The following CRLF2 variants were observed in gnomAD, a reference collection of about 807,000 sequenced individuals.
CRLF2 encodes cytokine receptor-like factor 2.
In CRLF2, 41 loss-of-function variants were observed where a neutral mutation model predicts 38.7. That is an observed-to-expected ratio of 1.06 (90% confidence interval 0.83 to 1.37). The LOEUF (loss-of-function observed/expected upper bound fraction) is 1.37. Among genes scored for constraint, CRLF2 ranks in the 40% most tolerant of loss-of-function variants. The probability of loss-of-function intolerance (pLI) is 0.00; values close to 1 mark genes in which losing one functional copy is unlikely to be tolerated. For synonymous variants in CRLF2, 140 were observed against 128.8 expected (o/e 1.09, Z -0.59); for missense variants, 377 against 322.2 (o/e 1.17, Z -1.30).
intron 4 of CRLF2, among the ~76,000 whole-genome samples, chrX:1,202,047 GAGAT>G (rs1422651584): frequency 7.2e-5 from 11 of 152,030 alleles, no homozygotes; most frequent in South Asian, 4.2e-4. Context: ...AAAATAGAAT[GAGAT>G]AGATAGATGA....
Position 1,198,614 on chromosome X carries a change from T to C in CRLF2, c.594A>G (p.Thr198=). ...KAMEDVYGPD[T]YPSDWSEVTC... ...TCACCTCTGACCAGTCGCTTGGGTA[T>C]GTGTCTGGCCCATATACATCCTCCA... Residue 198 remains threonine, a synonymous_variant, in exon 5 of 8, where the codon ACA becomes ACG. Transcript: ENST00000400841. 1.2e-6 allele frequency: 2 copies of C among 1,613,714 alleles called. No individual in the cohort carries two copies. Among genetic ancestry groups the C allele is most frequent in the Non-Finnish European group, 1.7e-6 (2 of 1,179,708 alleles).
chrX:1,202,651 C>T, intron 3 of CRLF2, 116 bp from the exon 4 acceptor site: 2 of 1,183,512 alleles, frequency 1.7e-6, no homozygotes, highest in East Asian at 2.3e-5. Flanking sequence ...CTTATGGTGT[C>T]TCGGGGTTCA....
intron 3 of CRLF2, among the ~76,000 whole-genome samples, chrX:1,204,419 A>C (rs1476605204): frequency 1.3e-5 from 2 of 150,850 alleles, no homozygotes; most frequent in South Asian, 4.2e-4. Context: ...ATAGAGATGG[A>C]GTTTCTCCAT....
intron 3 of CRLF2, among the ~76,000 whole-genome samples, chrX:1,205,715 C>A (rs2086679364): frequency 6.6e-6 from 1 of 151,778 alleles, no homozygotes; most frequent in South Asian, 2.1e-4. Flanking sequence ...TCTGATCCTG[C>A]GACTTGCTAG....
rs1297880930 is a variant in CRLF2 at position 1,196,995 on chromosome X, C to T, written c.647-95G>A. On this transcript the variant is annotated intron_variant, in intron 5 of 7. Coordinates refer to ENST00000400841, the MANE Select transcript of CRLF2 (RefSeq NM_022148.4). ...TTACATCTCATCCCTAACCAGTCTCCCTCATTTTTTGGTGTTCGTTTTTTT... is the reference window on the plus strand; with the variant it reads ...TTACATCTCATCCCTAACCAGTCTCTCTCATTTTTTGGTGTTCGTTTTTTT... The T allele has an allele frequency of 2.3e-5, 24 of 1,031,816 alleles. 1 individual carries two copies. The highest frequency in any genetic ancestry group is 3.0e-5 in the Non-Finnish European group (23 of 755,436). 63.9% of individuals were successfully genotyped at this position (1,031,816 alleles called of 1,614,324 possible). A position where few individuals can be genotyped will look rare whatever the true frequency, so the allele number is the denominator to read the frequency against.
intron 2 of CRLF2, among the ~76,000 whole-genome samples, chrX:1,207,504 C>G (rs1238689659): frequency 3.3e-4 from 9 of 27,214 alleles, no homozygotes; most frequent in Admixed American, 1.6e-3. Context: ...GTGATCCACC[C>G]CCCCCCCCCT....
intron 4 of CRLF2, among the ~76,000 whole-genome samples, chrX:1,200,057 ATAAGGTGTGTATATATGTGTAT>A (rs2086573577): frequency 1.6e-5 from 2 of 122,824 alleles, no homozygotes; most frequent in South Asian, 6.5e-4. Context: ...ATGTGTGTAT[ATAAGGTGTGTATATATGTGTAT>A]ATGTATTGTA....
intron 2 of CRLF2, among the ~76,000 whole-genome samples, chrX:1,207,411 G>T (rs1477671808): frequency 1.3e-5 from 2 of 149,670 alleles, no homozygotes; most frequent in Admixed American, 1.3e-4. Context: ...GCACGCCCCC[G>T]CGCCCGGCTA....
At chrX:1,211,066 T>C (rs1446714524) in intron 1 of CRLF2, among the ~76,000 whole-genome samples, 2 of 148,948 alleles carry the variant, frequency 1.3e-5, no homozygotes, top group African/African-American at 5.0e-5. Flanking sequence ...GGTGGATGGA[T>C]GTGTTGGTGG....
intron 4 of CRLF2, among the ~76,000 whole-genome samples, chrX:1,200,110 A>ATG (rs2086575032): frequency 6.6e-6 from 1 of 150,902 alleles, no homozygotes; most frequent in African/African-American, 2.4e-5. Context: ...GTGTGTATAT[A>ATG]TATAAAGTTT....
At chrX:1,196,751 C>T (rs779934708) in intron 6 of CRLF2, 29 bp downstream of exon 6, 2 of 1,610,306 alleles carry the variant, frequency 1.2e-6, no homozygotes, top group Non-Finnish European at 1.7e-6. Context: ...CAGGTCCCTC[C>T]ACCCACGGGC....
At chrX:1,192,703 TTTTC>T (rs2086408312) in intron 7 of CRLF2, among the ~76,000 whole-genome samples, 1 of 147,434 alleles carries the variant, frequency 6.8e-6, no homozygotes, top group Non-Finnish European at 1.5e-5. Flanking sequence ...TTTTCTTTTC[TTTTC>T]TTTTCTTTCT....
At chrX:1,200,465 GTATAAA>G (rs1459867648) in intron 4 of CRLF2, among the ~76,000 whole-genome samples, 3 of 151,214 alleles carry the variant, frequency 2.0e-5, no homozygotes, top group African/African-American at 7.3e-5. Context: ...GTATACGTGT[GTATAAA>G]TATGTGTATA....
chrX:1,202,570 C>G (rs1337427899), intron 3 of CRLF2, 35 bp from the exon 4 acceptor site: 2 of 1,613,348 alleles, frequency 1.2e-6, no homozygotes, highest in East Asian at 2.2e-5. Context: ...GACGTCCCTC[C>G]TCTCTGAGCT....
intron 4 of CRLF2, among the ~76,000 whole-genome samples, chrX:1,200,384 T>C (rs1200541725): frequency 7.6e-6 from 1 of 131,480 alleles, no homozygotes; most frequent in East Asian, 2.5e-4. Flanking sequence ...ATATAAGGTA[T>C]GTATATATGT....
chrX:1,196,737 C>G (rs1428163053), intron 6 of CRLF2, 43 bp downstream of exon 6: 2 of 1,605,122 alleles, frequency 1.2e-6, no homozygotes, highest in Non-Finnish European at 1.7e-6. Flanking sequence ...AGACATTGTG[C>G]AAGCAGGTCC....
At chrX:1,207,317 G>T (rs2086708654) in intron 2 of CRLF2, among the ~76,000 whole-genome samples, 2 of 146,686 alleles carry the variant, frequency 1.4e-5, no homozygotes, top group African/African-American at 5.1e-5. Flanking sequence ...GTGCAATGGC[G>T]TGATCTCGGC....
At chrX:1,202,076 G>C (rs186216931) in intron 4 of CRLF2, among the ~76,000 whole-genome samples, 2 of 152,028 alleles carry the variant, frequency 1.3e-5, no homozygotes, top group East Asian at 3.9e-4. Context: ...TTGAAAGAGA[G>C]GGAAATAGAA....
intron 4 of CRLF2, among the ~76,000 whole-genome samples, 180 bp downstream of exon 4, chrX:1,202,222 C>G (rs1257430028): frequency 2.6e-5 from 4 of 152,036 alleles, no homozygotes; most frequent in Non-Finnish European, 5.9e-5. Context: ...CCCTCAGAGA[C>G]ACAGAGAGAA....
Sources: gnomAD v4.1 joint callset for allele counts (sites outside exome capture counted in the v4.1 genomes callset) on GRCh38, gnomAD v4.1.1 for gene constraint, MANE v1.5 for transcripts, NCBI Gene and HGNC (gene_info 2026-07-23, HGNC 2026-07-21) for gene names.